The following TMEM108 variants were observed in gnomAD, a reference collection of about 807,000 sequenced individuals.
The protein encoded by TMEM108 is transmembrane protein 108.
A neutral mutation model predicts 35.1 loss-of-function variants in TMEM108; 12 were observed. The ratio of observed to expected loss-of-function variants is 0.34; its 90% CI spans 0.22 to 0.55. TMEM108 has a LOEUF of 0.55. Ranked by LOEUF, TMEM108 falls within the 20% of genes least tolerant of loss-of-function variation. The probability of loss-of-function intolerance (pLI) is 0.89; values close to 1 mark genes in which losing one functional copy is unlikely to be tolerated. For missense variants in TMEM108, 680 were observed against 753.3 expected (o/e 0.90, Z 1.14); for synonymous variants, 287 against 308.6 (o/e 0.93, Z 0.73).
At chr3:133,306,517 G>A (rs74894454) in intron 3 of TMEM108, among the ~76,000 whole-genome samples, 1,713 of 151,926 alleles carry the variant, frequency 0.011, 43 homozygotes, top group African/African-American at 0.04. Context: ...CCCTCCCCCA[G>A]CCCCCCACTC....
chr3:133,174,947 A>G (rs1356008920), intron 2 of TMEM108, among the ~76,000 whole-genome samples: 2 of 152,172 alleles, frequency 1.3e-5, no homozygotes, highest in African/African-American at 4.8e-5. Context: ...AGACGAATGG[A>G]TAACTAGAAT....
intron 2 of TMEM108, among the ~76,000 whole-genome samples, chr3:133,227,189 C>CTTTTTTTT (rs35518753): frequency 1.2e-4 from 10 of 83,494 alleles, no homozygotes; most frequent in Non-Finnish European, 2.2e-4. Context: ...GAAGGCCTTT[C>CTTTTTTTT]TTTTTTTTTT....
intron 3 of TMEM108, among the ~76,000 whole-genome samples, chr3:133,278,297 G>A (rs963263213): frequency 3.3e-5 from 5 of 152,208 alleles, no homozygotes; most frequent in African/African-American, 1.2e-4. Context: ...CCACTTAGTA[G>A]CTGGTGATTT....
At chr3:133,264,652 G>T (rs1259272825) in intron 3 of TMEM108, among the ~76,000 whole-genome samples, 1 of 152,122 alleles carries the variant, frequency 6.6e-6, no homozygotes, top group Non-Finnish European at 1.5e-5. Flanking sequence ...GCATGCACTG[G>T]CTTTTGGAAC....
At chr3:133,234,369 A>G (rs944311191) in intron 3 of TMEM108, among the ~76,000 whole-genome samples, 17 of 152,216 alleles carry the variant, frequency 1.1e-4, no homozygotes, top group African/African-American at 3.4e-4. Flanking sequence ...CTGGCAAACC[A>G]AATCCAGCAG....
At chr3:133,220,327 A>C (rs944512064) in intron 2 of TMEM108, among the ~76,000 whole-genome samples, 4 of 151,896 alleles carry the variant, frequency 2.6e-5, no homozygotes, top group African/African-American at 9.7e-5. Flanking sequence ...ACCAGGCTGG[A>C]GTGCAGCAGC....
chr3:133,253,799 C>CA (rs951202410), intron 3 of TMEM108, among the ~76,000 whole-genome samples: 2 of 152,158 alleles, frequency 1.3e-5, no homozygotes, highest in African/African-American at 4.8e-5. Flanking sequence ...CAGCCATCTT[C>CA]AAAAATGTGT....
At chr3:133,297,063 AC>A (rs1418553315) in intron 3 of TMEM108, among the ~76,000 whole-genome samples, 1 of 152,242 alleles carries the variant, frequency 6.6e-6, no homozygotes, top group Non-Finnish European at 1.5e-5. Flanking sequence ...GGAGGTCCGA[AC>A]AATATCAGGC....
chr3:133,206,526 G>A (rs534407058), intron 2 of TMEM108, among the ~76,000 whole-genome samples: 6 of 152,270 alleles, frequency 3.9e-5, no homozygotes, highest in South Asian at 2.1e-4. Context: ...ATTCCTTTCC[G>A]TTTGTTAGTT....
intron 2 of TMEM108, among the ~76,000 whole-genome samples, chr3:133,215,668 A>G (rs1278548818): frequency 2.0e-5 from 3 of 152,120 alleles, no homozygotes; most frequent in African/African-American, 7.2e-5. Context: ...TTATATGTAT[A>G]ATAAAGTTTA....
chr3:133,266,352 G>A (rs1946696908), intron 3 of TMEM108, among the ~76,000 whole-genome samples: 1 of 152,152 alleles, frequency 6.6e-6, no homozygotes, highest in South Asian at 2.1e-4. Context: ...GCTTACCACA[G>A]GACTAGTGAC....
chr3:133,294,571 T>C (rs1266186042), intron 3 of TMEM108, among the ~76,000 whole-genome samples: 1 of 152,226 alleles, frequency 6.6e-6, no homozygotes, highest in Non-Finnish European at 1.5e-5. Flanking sequence ...AATTCTCTTA[T>C]CTGCAGAAGG....
At chr3:133,299,310 A>C (rs1947187001) in intron 3 of TMEM108, among the ~76,000 whole-genome samples, 1 of 152,208 alleles carries the variant, frequency 6.6e-6, no homozygotes, top group African/African-American at 2.4e-5. Flanking sequence ...ATTAACCAAC[A>C]GTTGAGCTTA....
At chr3:133,386,377 A>C in intron 4 of TMEM108, 1 of 1,535,978 alleles carries the variant, frequency 6.5e-7, no homozygotes, top group Non-Finnish European at 8.7e-7. Context: ...GAAAGGTTGA[A>C]TCCTCAGGGG....
At chr3:133,257,290 G>A (rs1458863016) in intron 3 of TMEM108, 1 of 152,206 alleles carries the variant, frequency 6.6e-6, no homozygotes, top group Non-Finnish European at 1.5e-5. Context: ...AATTGCAGGA[G>A]ATGAGGCACC....
At chr3:133,328,712 A>C (rs773257362) in intron 3 of TMEM108, among the ~76,000 whole-genome samples, 24 of 152,334 alleles carry the variant, frequency 1.6e-4, no homozygotes, top group South Asian at 4.1e-4. Context: ...ATGCAGCTGC[A>C]GACAGAATCC....
chr3:133,056,243 C>A (rs915916545), intron 2 of TMEM108, among the ~76,000 whole-genome samples: 2 of 149,460 alleles, frequency 1.3e-5, no homozygotes, highest in Non-Finnish European at 3.0e-5. Flanking sequence ...TCTTTCTATG[C>A]GCAAACATCT....
chr3:133,146,170 C>T (rs1443598816), intron 2 of TMEM108, among the ~76,000 whole-genome samples: 1 of 152,152 alleles, frequency 6.6e-6, no homozygotes, highest in African/African-American at 2.4e-5. Context: ...GAGTTTTTAG[C>T]ATGAAGCGAT....
intron 2 of TMEM108, among the ~76,000 whole-genome samples, chr3:133,050,709 T>TA (rs1411925610): frequency 6.7e-6 from 1 of 148,374 alleles, no homozygotes. Context: ...AACCACTGAT[T>TA]TTTTTTTTTT....
Sources: gnomAD v4.1 joint callset for allele counts (sites outside exome capture counted in the v4.1 genomes callset) on GRCh38, gnomAD v4.1.1 for gene constraint, MANE v1.5 for transcripts, NCBI Gene and HGNC (gene_info 2026-07-23, HGNC 2026-07-21) for gene names.